The following PCDHAC1 variants were observed in gnomAD, a reference collection of about 807,000 sequenced individuals.
PCDHAC1 encodes protocadherin alpha-C1.
Under a neutral mutation model 60.0 loss-of-function variants are expected in PCDHAC1, and 42 were observed. That is an observed-to-expected ratio of 0.70 (90% CI 0.55 to 0.90). The LOEUF (loss-of-function observed/expected upper bound fraction) is 0.90. PCDHAC1 is among the 40% of genes least tolerant of loss of function. The probability of loss-of-function intolerance (pLI) is 0.00; values close to 1 mark genes in which losing one functional copy is unlikely to be tolerated. For synonymous variants in PCDHAC1, 468 were observed against 499.3 expected, an observed-to-expected ratio of 0.94 and a Z score of 0.84; for missense variants, 1,160 against 1,222.3, an observed-to-expected ratio of 0.95 and a Z score of 0.76.
intron 1 of PCDHAC1, among the ~76,000 whole-genome samples, chr5:140,933,309 A>G (rs183796217): frequency 4.7e-4 from 72 of 152,092 alleles, no homozygotes; most frequent in Middle Eastern, 6.8e-3. Context: ...TAAATATGCA[A>G]TCTCGTATTC....
chr5:140,982,561 C>G lies in PCDHAC1; in HGVS notation c.2579C>G (p.Pro860Arg), dbSNP rs560422677. ...QQWPTVSSAT[P>R]EPEAGEVSPP... The stretch of plus-strand genomic sequence containing the variant: ...TGGCCAACAGTATCCAGTGCAACAC[C>G]AGGTAAAGAGCTGGGGTCTCTCCAT... The change falls in exon 3 of 4, where the codon CCA (proline) becomes CGA (arginine). Residue 860 changes from proline (P) to arginine (R), a missense_variant and splice_region_variant. By Grantham distance (103) the Pro-to-Arg change is moderately radical. Coordinates refer to ENST00000253807, the MANE Select transcript of PCDHAC1 (RefSeq NM_018898.5). The G allele has an allele frequency of 6.2e-7, 1 of 1,614,060 alleles. No individual in the cohort carries two copies. Among genetic ancestry groups the G allele is most frequent in the African/African-American group, 1.3e-5 (1 of 75,052 alleles).
chr5:141,006,979 G>T (rs1236461454), intron 3 of PCDHAC1, among the ~76,000 whole-genome samples: 1 of 152,156 alleles, frequency 6.6e-6, no homozygotes, highest in Non-Finnish European at 1.5e-5. Context: ...ACAGAGAGAT[G>T]TGGGCTTAAA....
At chr5:140,993,793 T>C (rs2097582526) in intron 3 of PCDHAC1, among the ~76,000 whole-genome samples, 1 of 152,184 alleles carries the variant, frequency 6.6e-6, no homozygotes, top group African/African-American at 2.4e-5. Context: ...TAACATGCTG[T>C]GCAGGTTTGT....
chr5:140,938,298 A>G (rs549354760), intron 1 of PCDHAC1, among the ~76,000 whole-genome samples: 4 of 152,350 alleles, frequency 2.6e-5, no homozygotes, highest in African/African-American at 7.2e-5. Context: ...ATTGCCTATG[A>G]AATTCAGTAT....
At chr5:140,969,501 A>G (rs2096338220) in intron 1 of PCDHAC1, 20 of 1,431,968 alleles carry the variant, frequency 1.4e-5, no homozygotes, top group Non-Finnish European at 1.9e-5. Context: ...CTCTCTAGAA[A>G]AATAGCACTA....
intron 1 of PCDHAC1, among the ~76,000 whole-genome samples, chr5:140,937,417 A>T (rs1226073587): frequency 5.3e-5 from 8 of 152,154 alleles, no homozygotes; most frequent in African/African-American, 1.9e-4. Context: ...CTTTTATTAG[A>T]TAGCTGATAT....
At chr5:140,976,423 T>C (rs1378184646) in intron 1 of PCDHAC1, among the ~76,000 whole-genome samples, 22 of 151,886 alleles carry the variant, frequency 1.4e-4, no homozygotes, top group Admixed American at 1.3e-3. Context: ...CGGTGGCAGA[T>C]GCCTGTAATC....
chr5:140,989,722 A>C (rs1472933877), intron 3 of PCDHAC1, among the ~76,000 whole-genome samples: 1 of 152,224 alleles, frequency 6.6e-6, no homozygotes, highest in African/African-American at 2.4e-5. Context: ...TCAGCTTTGC[A>C]GTTGAAAAGG....
In PCDHAC1 at chr5:141,003,240, CAA is replaced by C. The variant is rs1287973511; in HGVS notation, c.2582-6383_2582-6382del. ...GAAAGAGGAAAGCTGGAAATTTTGC[CAA>C]AAAGATTCCTGGGCAGTGCCTAAGG... On this transcript the variant is annotated intron_variant, in intron 3 of 3. Transcript: ENST00000253807. Among the ~76,000 whole-genome samples the C allele has an allele frequency of 2.6e-5, 4 of 152,150 alleles. No individual in the cohort carries two copies. In the East Asian group the frequency reaches 7.7e-4, roughly 29 times the overall value.
At chr5:140,994,789 G>A (rs901197365) in intron 3 of PCDHAC1, among the ~76,000 whole-genome samples, 8 of 152,260 alleles carry the variant, frequency 5.3e-5, no homozygotes, top group South Asian at 4.1e-4. Flanking sequence ...GAAACAATGC[G>A]TGCATGCAAA....
chr5:140,927,086 A>G lies in PCDHAC1; in HGVS notation c.194A>G (p.Tyr65Cys), dbSNP rs2083826085. Residue 65 changes from tyrosine to cysteine, a missense_variant, in exon 1 of 4, where the codon TAC becomes TGC. Coordinates refer to ENST00000253807, the MANE Select transcript of PCDHAC1 (RefSeq NM_018898.5). ...TTCCTTTCCAGCCACCGCGAGCTCT[A>G]CTTCGGGGTGGATCTACCCAGCGGC... ...FRFLSSHREL[Y>C]FGVDLPSGNL... is the part of the protein sequence containing the mutation. The G allele has an allele frequency of 3.1e-6, 5 of 1,612,296 alleles. No homozygotes were observed. The highest frequency in any genetic ancestry group is 3.4e-6 in the Non-Finnish European group (4 of 1,178,706).
chr5:140,927,638 G>C lies in PCDHAC1; in HGVS notation c.746G>C (p.Gly249Ala), dbSNP rs781909639. 1 of 1,614,024 alleles carries C rather than the reference G, an allele frequency of 6.2e-7. No individual in the cohort carries two copies. Among genetic ancestry groups the C allele is most frequent in the Admixed American group, 1.7e-5 (1 of 60,006 alleles). ...RTKVPETAPN[G>A]TVLFRVQALD... Reference sequence around the variant, plus strand: ...AAGGTTCCAGAGACTGCACCCAATGGGACTGTGTTATTCCGAGTTCAAGCC... The same window carrying C: ...AAGGTTCCAGAGACTGCACCCAATGCGACTGTGTTATTCCGAGTTCAAGCC... The change falls in exon 1 of 4, where the codon GGG (glycine) becomes GCG (alanine). Residue 249 changes from glycine (G) to alanine (A), a missense_variant. By Grantham distance (60) the Gly-to-Ala change is moderately conservative. Coordinates refer to ENST00000253807, the MANE Select transcript of PCDHAC1 (RefSeq NM_018898.5).
At chr5:140,962,546 G>A (rs2095690873) in intron 1 of PCDHAC1, among the ~76,000 whole-genome samples, 7 of 152,094 alleles carry the variant, frequency 4.6e-5, no homozygotes, top group Admixed American at 4.6e-4. Flanking sequence ...TAAAAATGTA[G>A]AGGATCTCCC....
intron 1 of PCDHAC1, chr5:140,966,679 G>T: frequency 1.5e-6 from 2 of 1,317,678 alleles, no homozygotes; most frequent in Admixed American, 3.8e-5. Context: ...AGGGTGGCAC[G>T]AGCGGAGGCG....
chr5:140,940,552 G>A (rs1198606745), intron 1 of PCDHAC1, among the ~76,000 whole-genome samples: 4 of 152,018 alleles, frequency 2.6e-5, no homozygotes, highest in African/African-American at 9.7e-5. Flanking sequence ...GGGCTCAAGT[G>A]ATTCTCCTAC....
intron 1 of PCDHAC1, chr5:140,968,976 A>G (rs1410286561): frequency 2.5e-6 from 4 of 1,614,074 alleles, no homozygotes; most frequent in African/African-American, 1.3e-5. Flanking sequence ...TACACTGCGT[A>G]TGGCACTGCA....
rs139625618 is a variant in PCDHAC1 at position 141,008,025 on chromosome 5, T to C, written c.2582-1602T>C. 1.8e-3 allele frequency among the ~76,000 whole-genome samples: 273 copies of C among 152,354 alleles called. 1 individual carries two copies. Among genetic ancestry groups the C allele is most frequent in the Middle Eastern group, 6.8e-3 (2 of 294 alleles). Reference sequence around the variant, plus strand: ...TAAACTTCTGTTTCCTTTTTTTTCTTGTTAATCTGCCTTTTGTAACAGGGG... The same window carrying C: ...TAAACTTCTGTTTCCTTTTTTTTCTCGTTAATCTGCCTTTTGTAACAGGGG... On this transcript the variant is annotated intron_variant, in intron 3 of 3. Transcript: ENST00000253807.
rs371881938 is a variant in PCDHAC1, at chr5:140,927,513, C to T, written c.621C>T (p.Asp207=). 36 of 1,614,062 alleles carry T rather than the reference C, an allele frequency of 2.2e-5. No homozygotes were observed. Among genetic ancestry groups the T allele is most frequent in the South Asian group, 3.3e-5 (3 of 91,080 alleles). The change falls in exon 1 of 4, where the codon GAC becomes GAT. Residue 207 remains aspartate (D), a synonymous_variant. Coordinates refer to ENST00000253807, the MANE Select transcript of PCDHAC1 (RefSeq NM_018898.5). ...ACCTGCTGGTGCTTACAGCTCGGGA[C>T]GGCGGGCTACCTGCCCGCTCAGGAG... The part of the protein sequence containing the change: ...ATHLLVLTAR[D]GGLPARSGDA...
At chr5:140,972,740 T>G (rs2096553417) in intron 1 of PCDHAC1, among the ~76,000 whole-genome samples, 1 of 149,910 alleles carries the variant, frequency 6.7e-6, no homozygotes, top group Admixed American at 6.8e-5. Flanking sequence ...CCCGGCTCAC[T>G]GCAACCTCCG....
Sources: allele counts gnomAD v4.1 joint callset (sites outside exome capture counted in the v4.1 genomes callset), GRCh38; gene constraint gnomAD v4.1.1; transcripts MANE v1.5; gene names NCBI Gene and HGNC (gene_info 2026-07-23, HGNC 2026-07-21).